Variants in ANKDD1A observed in about 807,000 individuals in gnomAD.
The protein encoded by ANKDD1A is ankyrin repeat and death domain-containing protein 1A.
Under a neutral mutation model 63.5 loss-of-function variants are expected in ANKDD1A, and 59 were observed. That is an observed-to-expected ratio of 0.93 (90% confidence interval 0.75 to 1.15). ANKDD1A has a LOEUF of 1.15. Among genes scored for constraint, ANKDD1A ranks in the 50% most tolerant of loss-of-function variants. The probability of loss-of-function intolerance (pLI) is 0.00; values close to 1 mark genes in which losing one functional copy is unlikely to be tolerated. For synonymous variants in ANKDD1A, 266 were observed against 263.9 expected (o/e 1.01, Z -0.08); for missense variants, 632 against 656.4 (o/e 0.96, Z 0.41).
intron 13 of ANKDD1A, 50 bp downstream of exon 13, chr15:64,947,643 G>A: frequency 6.3e-7 from 1 of 1,583,296 alleles, no homozygotes; most frequent in Non-Finnish European, 8.6e-7. Flanking sequence ...CGGAGGGGTG[G>A]GACACCTGAA....
At position 64,943,308 on chromosome 15, in the gene ANKDD1A, G is replaced by C. The variant is rs544562694; in HGVS notation, c.967-176G>C. ...TGTCATGTTGGGGTAAAAAAATTAA[G>C]ATGTAAAATGTACATATAAGATGAT... is the stretch of plus-strand genomic sequence containing the variant. On this transcript the variant is annotated intron_variant, in intron 10 of 14. Transcript: ENST00000319580. 5 of 620,116 alleles carry C rather than the reference G, an allele frequency of 8.1e-6. No individual in the cohort carries two copies. In the Admixed American group the frequency reaches 1.1e-4, roughly 13 times the overall value. The allele number at this position is 620,116 out of a possible 1,614,324, so 38.4% of individuals were successfully genotyped here.
Position 64,915,990 on chromosome 15 carries a change from G to A in ANKDD1A, c.138+90G>A. 7 of 1,276,998 alleles carry A rather than the reference G, an allele frequency of 5.5e-6. No individual in the cohort carries two copies. In the East Asian group the frequency reaches 7.6e-5, roughly 14 times the overall value. 79.1% of individuals were successfully genotyped at this position (1,276,998 alleles called of 1,614,324 possible). ...GGGGAATAGTTTATCTGAGCTAGAGGCAGGCACATTTGCATGTGTAAACTT... is the reference window on the plus strand; with the variant it reads ...GGGGAATAGTTTATCTGAGCTAGAGACAGGCACATTTGCATGTGTAAACTT... On this transcript the variant is annotated intron_variant, in intron 2 of 14. Coordinates refer to ENST00000319580, the MANE Select transcript of ANKDD1A (RefSeq NM_182703.6).
At position 64,955,475 on chromosome 15, in the gene ANKDD1A, G is replaced by A. The variant is rs117065670; in HGVS notation, c.1484-1628G>A. ...TGGCATCCATGGTGCTTGGCTTTGA[G>A]GTGCCAGGCAAGCACAGCTTGTTCT... is the stretch of plus-strand genomic sequence containing the variant. On this transcript the variant is annotated intron_variant, in intron 14 of 14. Coordinates refer to ENST00000319580, the MANE Select transcript of ANKDD1A (RefSeq NM_182703.6). Among the ~76,000 whole-genome samples the A allele has an allele frequency of 5.7e-3, 861 of 152,314 alleles. 3 individuals carry two copies. The highest frequency in any genetic ancestry group is 9.5e-3 in the Non-Finnish European group (649 of 68,026).
intron 14 of ANKDD1A, chr15:64,951,378 T>C (rs1430219772): frequency 2.3e-4 from 98 of 427,544 alleles, no homozygotes; most frequent in African/African-American, 2.2e-3. Flanking sequence ...TTCTTCTTTC[T>C]TTTTCTTTTC....
At chr15:64,931,985 C>T in intron 8 of ANKDD1A, 1 of 242,344 alleles carries the variant, frequency 4.1e-6, no homozygotes. Flanking sequence ...CCTCCGCCTC[C>T]TGGGTTCAAG....
intron 2 of ANKDD1A, among the ~76,000 whole-genome samples, chr15:64,916,176 T>C (rs562432904): frequency 6.6e-6 from 1 of 152,108 alleles, no homozygotes; most frequent in East Asian, 1.9e-4. Context: ...TCTGAGAGGT[T>C]AGAGCCAGGA....
intron 14 of ANKDD1A, among the ~76,000 whole-genome samples, chr15:64,952,477 T>C (rs532016480): frequency 2.1e-5 from 3 of 145,474 alleles, no homozygotes; most frequent in African/African-American, 5.4e-5. Flanking sequence ...TCCTTCTCCT[T>C]CTTCTTCCTT....
intron 14 of ANKDD1A, among the ~76,000 whole-genome samples, chr15:64,953,723 CT>C (rs1260232083): frequency 0.11 from 903 of 8,402 alleles, 3 homozygotes; most frequent in Middle Eastern, 0.33. Context: ...TGTTCTTCTC[CT>C]TCTTCTCCTC....
intron 6 of ANKDD1A, among the ~76,000 whole-genome samples, chr15:64,929,089 T>C (rs1304288675): frequency 6.6e-6 from 1 of 152,234 alleles, no homozygotes; most frequent in Non-Finnish European, 1.5e-5. Flanking sequence ...CTGCAGGCTA[T>C]AGGCTGCAGA....
chr15:64,944,584 A>G lies in ANKDD1A; in HGVS notation c.1066-68A>G, dbSNP rs1411977731. The G allele has an allele frequency of 2.1e-6, 3 of 1,428,468 alleles. No homozygotes were observed. The African/African-American group carries it at 4.2e-5, about 20-fold the overall frequency. The allele number at this position is 1,428,468 out of a possible 1,614,324, so 88.5% of individuals were successfully genotyped here. ...CCTGTGGGCAGGAGGGTTTGTCCTC[A>G]GTGCTAGAAACCCTTGTGTACCCCT... On this transcript the variant is annotated intron_variant, in intron 11 of 14. Transcript: ENST00000319580.
chr15:64,958,175 G>T lies in ANKDD1A; in HGVS notation c.*987G>T, dbSNP rs2085436658. ...TGCAAGGGCAGTGAGAGGAAGGGAG[G>T]GATGAGGAGGTGGAGCGCAGGGGAT... is the stretch of plus-strand genomic sequence containing the variant. On this transcript the variant is annotated 3_prime_UTR_variant, in exon 15 of 15. Transcript: ENST00000319580. 6.6e-6 allele frequency: 1 copy of T among 152,294 alleles called. No individual in the cohort carries two copies. The highest frequency in any genetic ancestry group is 1.5e-5 in the Non-Finnish European group (1 of 68,096). The allele number at this position is 152,294 out of a possible 1,614,324, so 9.4% of individuals were successfully genotyped here. A position where few individuals can be genotyped will look rare whatever the true frequency, so the allele number is the denominator to read the frequency against.
chr15:64,922,276 A>C, intron 4 of ANKDD1A: 1 of 469,360 alleles, frequency 2.1e-6, no homozygotes, highest in South Asian at 2.6e-5. Flanking sequence ...AGAAAAATTA[A>C]ATGAGAAGGA....
chr15:64,951,392 TTCC>T (rs1249041832), intron 14 of ANKDD1A: 10 of 264,880 alleles, frequency 3.8e-5, no homozygotes, highest in East Asian at 4.2e-4. Context: ...TCTTTTCTTC[TTCC>T]TCTTTTTTCT....
intron 1 of ANKDD1A, among the ~76,000 whole-genome samples, chr15:64,912,335 AT>A (rs1426872823): frequency 6.6e-6 from 1 of 152,200 alleles, no homozygotes; most frequent in East Asian, 1.9e-4. Flanking sequence ...TGTTATCTTC[AT>A]TTCGCAGATG....
chr15:64,915,950 A>G (rs772846792), intron 2 of ANKDD1A, 50 bp downstream of exon 2: 108 of 1,555,406 alleles, frequency 6.9e-5, no homozygotes, highest in Non-Finnish European at 6.1e-5. Context: ...GTGTCACGAT[A>G]ATGCCAGTAC....
intron 14 of ANKDD1A, among the ~76,000 whole-genome samples, chr15:64,953,926 CTTTTTTCT>C (rs2085366150): frequency 1.0e-4 from 1 of 9,646 alleles, no homozygotes; most frequent in Non-Finnish European, 3.9e-4. Flanking sequence ...TTCTCTTTTT[CTTTTTTCT>C]TTTCTTCCTC....
chr15:64,957,002 G>A (rs1234762024), intron 14 of ANKDD1A, 101 bp from the exon 15 acceptor site: 4 of 414,528 alleles, frequency 9.6e-6, no homozygotes, highest in Non-Finnish European at 1.4e-5. Flanking sequence ...TATATGTTGC[G>A]AGCTAAATGT....
Position 64,917,654 on chromosome 15 carries a change from G to T in ANKDD1A, c.267+140G>T, listed in dbSNP as rs1470958075. 6.2e-6 allele frequency: 8 copies of T among 1,291,566 alleles called. No individual in the cohort carries two copies. In the East Asian group the frequency reaches 1.3e-4, roughly 21 times the overall value. The allele number at this position is 1,291,566 out of a possible 1,614,324, so 80.0% of individuals were successfully genotyped here. ...TGGTGGGGAGTCAGAGGCTTCAGGC[G>T]CAGGGACACTGCACTGATTCTGTTT... On this transcript the variant is annotated intron_variant, in intron 3 of 14. Transcript: ENST00000319580.
intron 7 of ANKDD1A, among the ~76,000 whole-genome samples, chr15:64,931,226 C>G (rs1426587849): frequency 3.3e-5 from 5 of 152,186 alleles, no homozygotes; most frequent in African/African-American, 9.7e-5. Context: ...GGGGCTGAGA[C>G]AGCCTGACCG....
Sources: allele counts gnomAD v4.1 joint callset (sites outside exome capture counted in the v4.1 genomes callset), GRCh38; gene constraint gnomAD v4.1.1; transcripts MANE v1.5; gene names NCBI Gene and HGNC (gene_info 2026-07-23, HGNC 2026-07-21).